ELF1: variants seen among roughly 807,000 people sequenced by gnomAD.
ELF1 encodes the protein ETS-related transcription factor Elf-1.
In ELF1, 24 loss-of-function variants were observed where a neutral mutation model predicts 59.9. That is an observed-to-expected ratio of 0.40 (90% CI 0.29 to 0.56). The LOEUF (loss-of-function observed/expected upper bound fraction) is 0.56, where lower values mean the gene tolerates loss of function less well. ELF1 is among the 20% of genes least tolerant of loss of function. The pLI, the probability that ELF1 is intolerant of heterozygous loss-of-function variation, is 0.44. For synonymous variants in ELF1, 248 were observed against 266.2 expected (o/e 0.93, Z 0.67); for missense variants, 627 against 742.2 (o/e 0.84, Z 1.80).
Position 41,044,829 on chromosome 13 carries a change from C to T in ELF1, c.-229+16009G>A, listed in dbSNP as rs61910659. ...CTCATAAAATGAGTTAGGGAAGATT[C>T]CCTCTTTTCCTATTGACTGGAATAG... On this transcript the variant is annotated intron_variant, in intron 1 of 1. Coordinates refer to the ELF1 transcript ENST00000405737. Among the ~76,000 whole-genome samples, 5 of 152,264 alleles carry T rather than the reference C, an allele frequency of 3.3e-5. 1 individual carries two copies. Among genetic ancestry groups the T allele is most frequent in the African/African-American group, 1.2e-4 (5 of 41,562 alleles).
Position 41,017,949 on chromosome 13 carries a change from T to C in ELF1, c.-229+1279A>G, listed in dbSNP as rs955345313. 2.6e-5 allele frequency among the ~76,000 whole-genome samples: 4 copies of C among 152,326 alleles called. No homozygotes were observed. The East Asian group carries it at 5.8e-4, about 22-fold the overall frequency. On this transcript the variant is annotated intron_variant, in intron 1 of 8. Transcript: ENST00000239882. ...AGCTGAATTGGTAAAATGTCCGCTG[T>C]GTCTTTCTTGTAAGACCGCAAAATT... is the stretch of plus-strand genomic sequence containing the variant.
At chr13:41,020,667 T>C (rs2138393007), upstream of ELF1, among the ~76,000 whole-genome samples, 1 of 152,290 alleles carries the variant, frequency 6.6e-6, no homozygotes, top group South Asian at 2.1e-4. Flanking sequence ...ATAGACCATG[T>C]TTTCTCCTGT....
chr13:41,034,901 G>A (rs891642082), intron 1 of ELF1, among the ~76,000 whole-genome samples: 6 of 151,332 alleles, frequency 4.0e-5, no homozygotes, highest in East Asian at 3.9e-4. Flanking sequence ...GCCTTACCTC[G>A]GCATTCTACG....
chr13:40,933,951 G>A lies in ELF1; in HGVS notation c.1334C>T (p.Thr445Ile), dbSNP rs1869592525. ...GGCTATAACTGTTGTGAGTGGCACTGTTTGGAGTGTTACTGTATGCAACTG... is the reference window on the plus strand; with the variant it reads ...GGCTATAACTGTTGTGAGTGGCACTATTTGGAGTGTTACTGTATGCAACTG... Reference protein sequence around the residue: ...NQQLHTVTLQTVPLTTVIAST... With the variant: ...NQQLHTVTLQIVPLTTVIAST... Residue 445 changes from threonine to isoleucine, a missense_variant, in exon 9 of 9, where the codon ACA becomes ATA. By Grantham distance (89) the Thr-to-Ile change is moderately conservative. This residue lies in a region of ELF1 where 361 missense variants were observed against 396.1 expected (regional missense o/e 0.91). Transcript: ENST00000239882. 3 of 1,614,260 alleles carry A rather than the reference G, an allele frequency of 1.9e-6. No homozygotes were observed. Among genetic ancestry groups the A allele is most frequent in the Non-Finnish European group, 2.5e-6 (3 of 1,180,052 alleles).
At chr13:40,982,623 T>A (rs1420223930) in intron 1 of ELF1, among the ~76,000 whole-genome samples, 2 of 151,246 alleles carry the variant, frequency 1.3e-5, no homozygotes, top group Non-Finnish European at 2.9e-5. Flanking sequence ...ATATAAACAA[T>A]TTCCTTCTTT....
At chr13:41,047,246 G>A (rs1457156273) in intron 1 of ELF1, among the ~76,000 whole-genome samples, 1 of 152,164 alleles carries the variant, frequency 6.6e-6, no homozygotes, top group Non-Finnish European at 1.5e-5. Flanking sequence ...GCTCAGAGAA[G>A]TTTGATCGTC....
intron 1 of ELF1, among the ~76,000 whole-genome samples, chr13:41,057,137 C>T (rs376322034): frequency 5.6e-5 from 8 of 143,626 alleles, no homozygotes; most frequent in African/African-American, 2.1e-4. Context: ...CAAACATTTA[C>T]TGAACTTTCA....
At chr13:41,058,499 T>G (rs934008827) in intron 1 of ELF1, among the ~76,000 whole-genome samples, 1 of 152,254 alleles carries the variant, frequency 6.6e-6, no homozygotes, top group Non-Finnish European at 1.5e-5. Context: ...CCTTACCATA[T>G]TCTACGTAAT....
intron 7 of ELF1, among the ~76,000 whole-genome samples, chr13:40,942,504 C>CA (rs1335683425): frequency 6.6e-6 from 1 of 152,138 alleles, no homozygotes; most frequent in African/African-American, 2.4e-5. Context: ...ATCATACTTG[C>CA]AATTCATGTT....
Position 40,966,849 on chromosome 13 carries a change from A to G in ELF1, c.73-7833T>C, listed in dbSNP as rs548882069. ...CCAAAACAAAAAGCAAGTTAAATTT[A>G]GTCTCTAGCATTTTTCCAAAGCAGA... On this transcript the variant is annotated intron_variant, in intron 2 of 8. Transcript: ENST00000239882. 2.6e-5 allele frequency among the ~76,000 whole-genome samples: 4 copies of G among 152,344 alleles called. No individual in the cohort carries two copies. In the South Asian group the frequency reaches 8.3e-4, roughly 32 times the overall value.
At chr13:40,997,737 T>G in intron 1 of ELF1, among the ~76,000 whole-genome samples, 1 of 152,210 alleles carries the variant, frequency 6.6e-6, no homozygotes, top group East Asian at 1.9e-4. Flanking sequence ...TAAGTCAGCT[T>G]GGATATCATC....
chr13:41,057,151 CTTTTT>C (rs11358975), intron 1 of ELF1, among the ~76,000 whole-genome samples: 1 of 131,622 alleles, frequency 7.6e-6, no homozygotes, highest in Non-Finnish European at 1.6e-5. Flanking sequence ...ACTTTCACGT[CTTTTT>C]TTTTTTTTTT....
intron 1 of ELF1, among the ~76,000 whole-genome samples, chr13:41,046,976 G>T (rs190125196): frequency 6.6e-6 from 1 of 152,168 alleles, no homozygotes; most frequent in South Asian, 2.1e-4. Context: ...TGGAGGCTTT[G>T]TTCGTTTCTT....
At chr13:41,003,089 T>C (rs539512911) in intron 1 of ELF1, among the ~76,000 whole-genome samples, 266 of 152,330 alleles carry the variant, frequency 1.7e-3, no homozygotes, top group African/African-American at 6.2e-3. Flanking sequence ...TAGCATTCTA[T>C]AGAATTTCAC....
chr13:40,963,047 G>A (rs1871946030), intron 2 of ELF1, among the ~76,000 whole-genome samples: 1 of 152,142 alleles, frequency 6.6e-6, no homozygotes, highest in Non-Finnish European at 1.5e-5. Flanking sequence ...GAGACATTTT[G>A]CACATTGCTT....
intron 1 of ELF1, among the ~76,000 whole-genome samples, chr13:41,008,037 G>A (rs1006671719): frequency 1.3e-5 from 2 of 152,138 alleles, no homozygotes; most frequent in Non-Finnish European, 2.9e-5. Flanking sequence ...ATTTTAAAAA[G>A]GCGACTTCAC....
In ELF1 at chr13:41,009,976, A is replaced by G. The variant is rs539293817; in HGVS notation, c.-229+9252T>C. On this transcript the variant is annotated intron_variant, in intron 1 of 8. Transcript: ENST00000239882. ...GTTTTCCTAGGTCATATTTATCAAT[A>G]TATGTTTTTTACTTACAGGATATTA... Among the ~76,000 whole-genome samples the G allele has an allele frequency of 4.6e-5, 7 of 151,420 alleles. No homozygotes were observed. The South Asian group carries it at 1.0e-3, about 23-fold the overall frequency.
intron 1 of ELF1, among the ~76,000 whole-genome samples, chr13:41,039,133 C>T (rs1876504531): frequency 6.6e-6 from 1 of 151,552 alleles, no homozygotes; most frequent in African/African-American, 2.4e-5. Flanking sequence ...GGTACAGTGG[C>T]TCACATCTGT....
intron 2 of ELF1, among the ~76,000 whole-genome samples, chr13:40,981,049 G>A (rs2138269031): frequency 6.6e-6 from 1 of 152,158 alleles, no homozygotes; most frequent in South Asian, 2.1e-4. Flanking sequence ...AATTCACTCT[G>A]CCAAAAGTAA....
Sources: allele counts gnomAD v4.1 joint callset (sites outside exome capture counted in the v4.1 genomes callset), GRCh38; gene constraint gnomAD v4.1.1; regional missense constraint gnomAD v4.1.1; transcripts MANE v1.5; gene names NCBI Gene and HGNC (gene_info 2026-07-23, HGNC 2026-07-21).